The following SMC6 variants were observed in gnomAD, a reference collection of about 807,000 sequenced individuals.
SMC6 encodes the protein structural maintenance of chromosomes 6.
A neutral mutation model predicts 142.2 loss-of-function variants in SMC6; 79 were observed. The observed-to-expected ratio is 0.56, with a 90% confidence interval of 0.46 to 0.67. SMC6 has a LOEUF of 0.67. Among genes scored for constraint, SMC6 ranks in the 30% least tolerant of loss-of-function variants. SMC6 has a pLI of 0.00. For missense variants in SMC6, 1,072 were observed against 1,284.0 expected, an observed-to-expected ratio of 0.83 and a Z score of 2.52; for synonymous variants, 411 against 412.4, an observed-to-expected ratio of 1.00 and a Z score of 0.04.
chr2:17,720,030 G>A (rs573792555), intron 11 of SMC6, among the ~76,000 whole-genome samples: 35 of 152,228 alleles, frequency 2.3e-4, no homozygotes, highest in South Asian at 4.2e-4. Context: ...GTACATTTGC[G>A]GGGGAAGGGG....
intron 16 of SMC6, 22 bp downstream of exon 16, chr2:17,714,839 T>G: frequency 6.2e-7 from 1 of 1,606,334 alleles, no homozygotes; most frequent in South Asian, 1.1e-5. Flanking sequence ...GCCAGAAACA[T>G]ATTCAATTAC....
In SMC6 at chr2:17,709,181, A is replaced by G. The variant is rs73921050; in HGVS notation, c.1731-428T>C. On this transcript the variant is annotated intron_variant, in intron 16 of 27. Transcript: ENST00000448223. ...TCTAGAGTCCAGATTCTTAATCAAT[A>G]TGCCCTGCTGCCTACTATAATTAAT... 7.8e-4 allele frequency among the ~76,000 whole-genome samples: 119 copies of G among 152,254 alleles called. 2 individuals are homozygous for G. The highest frequency in any genetic ancestry group is 2.7e-3 in the African/African-American group (111 of 41,546).
chr2:17,743,634 A>G (rs912021213), intron 3 of SMC6, among the ~76,000 whole-genome samples: 4 of 152,094 alleles, frequency 2.6e-5, no homozygotes, highest in Non-Finnish European at 5.9e-5. Context: ...GGTTCACTCG[A>G]TATTATTGTA....
Position 17,708,684 on chromosome 2 carries a change from A to G in SMC6, c.1800T>C (p.Asn600=). 6.5e-7 allele frequency: 1 copy of G among 1,547,864 alleles called. No individual in the cohort carries two copies. The highest frequency in any genetic ancestry group is 8.7e-7 in the Non-Finnish European group (1 of 1,144,708). ...ALEIDNAVVA[N]SLIDMRGIET... ...CTATGCCTCTCATGTCAATTAGGCTATTTGCCACAACCGCATTATCTATTT... is the reference window on the plus strand; with the variant it reads ...CTATGCCTCTCATGTCAATTAGGCTGTTTGCCACAACCGCATTATCTATTT... The change falls in exon 17 of 28, where the codon AAT becomes AAC. Residue 600 remains asparagine, a synonymous_variant. Transcript: ENST00000448223.
chr2:17,698,065 A>T (rs1383581970), intron 21 of SMC6, among the ~76,000 whole-genome samples: 1 of 152,102 alleles, frequency 6.6e-6, no homozygotes, highest in East Asian at 1.9e-4. Flanking sequence ...GATTCTACTC[A>T]TATGAAATAT....
intron 18 of SMC6, among the ~76,000 whole-genome samples, chr2:17,703,741 T>C (rs952958391): frequency 1.3e-5 from 2 of 152,160 alleles, no homozygotes; most frequent in Non-Finnish European, 2.9e-5. Context: ...ACATACTCTT[T>C]TCTGTAGCTA....
intron 16 of SMC6, among the ~76,000 whole-genome samples, chr2:17,714,416 G>T (rs888806737): frequency 6.6e-6 from 1 of 152,076 alleles, no homozygotes; most frequent in Non-Finnish European, 1.5e-5. Flanking sequence ...TAAAGTATTA[G>T]CCAGTAGTTA....
At chr2:17,729,135 A>G (rs1014968533) in intron 7 of SMC6, among the ~76,000 whole-genome samples, 2 of 152,326 alleles carry the variant, frequency 1.3e-5, no homozygotes, top group Admixed American at 1.3e-4. Context: ...TTAATCAAAT[A>G]TAACCAAAAT....
chr2:17,709,120 T>C (rs953629032), intron 16 of SMC6, among the ~76,000 whole-genome samples: 1 of 152,126 alleles, frequency 6.6e-6, no homozygotes, highest in Non-Finnish European at 1.5e-5. Context: ...AAGCTACTTA[T>C]GTAACTGGGC....
At chr2:17,670,240 T>A (rs1173971964) in intron 26 of SMC6, among the ~76,000 whole-genome samples, 183 bp downstream of exon 26, 1 of 152,172 alleles carries the variant, frequency 6.6e-6, no homozygotes, top group Non-Finnish European at 1.5e-5. Context: ...GGTTACTGTG[T>A]GCCTAGAAGC....
At chr2:17,683,157 T>C (rs1405705839) in intron 24 of SMC6, among the ~76,000 whole-genome samples, 2 of 152,178 alleles carry the variant, frequency 1.3e-5, no homozygotes, top group Admixed American at 6.5e-5. Context: ...TAATTCTGTA[T>C]TCATTTATCC....
chr2:17,738,364 A>G (rs1340306526), intron 4 of SMC6, 38 bp from the exon 5 acceptor site: 1 of 1,497,694 alleles, frequency 6.7e-7, no homozygotes. Context: ...CATTCATTAA[A>G]AGAAAAAGGA....
chr2:17,689,426 T>C (rs533931555), intron 23 of SMC6, among the ~76,000 whole-genome samples: 3 of 152,298 alleles, frequency 2.0e-5, no homozygotes, highest in Admixed American at 6.5e-5. Context: ...TATAACAGTA[T>C]TGTGGTTATG....
intron 2 of SMC6, among the ~76,000 whole-genome samples, chr2:17,748,493 T>A (rs1411931850): frequency 6.6e-6 from 1 of 152,242 alleles, no homozygotes; most frequent in African/African-American, 2.4e-5. Flanking sequence ...CAGTTACAGC[T>A]ACATAATATT....
intron 24 of SMC6, 150 bp downstream of exon 24, chr2:17,683,488 C>T (rs1667320874): frequency 1.3e-5 from 9 of 705,184 alleles, no homozygotes; most frequent in Admixed American, 6.7e-5. Flanking sequence ...CCTTCAGATT[C>T]GGAATTGTCT....
At chr2:17,675,778 G>A (rs1170602642) in intron 25 of SMC6, among the ~76,000 whole-genome samples, 1 of 151,892 alleles carries the variant, frequency 6.6e-6, no homozygotes, top group East Asian at 1.9e-4. Flanking sequence ...CTTACAAAAA[G>A]GTAAGGTTAC....
At chr2:17,677,682 T>C in intron 25 of SMC6, among the ~76,000 whole-genome samples, 1 of 152,188 alleles carries the variant, frequency 6.6e-6, no homozygotes, top group East Asian at 1.9e-4. Context: ...TACCATGACA[T>C]ACTACCTTCC....
chr2:17,693,493 A>G (rs1443832870), intron 23 of SMC6, among the ~76,000 whole-genome samples: 1 of 152,072 alleles, frequency 6.6e-6, no homozygotes, highest in Non-Finnish European at 1.5e-5. Flanking sequence ...GGAATTGAAC[A>G]ACGAGAACAC....
intron 24 of SMC6, chr2:17,679,704 G>A (rs1456806642): frequency 6.6e-6 from 1 of 152,518 alleles, no homozygotes; most frequent in African/African-American, 2.4e-5. Flanking sequence ...CTTCAAGCTG[G>A]ATGTGTCCCC....
Sources: allele counts gnomAD v4.1 joint callset (sites outside exome capture counted in the v4.1 genomes callset), GRCh38; gene constraint gnomAD v4.1.1; transcripts MANE v1.5; gene names NCBI Gene and HGNC (gene_info 2026-07-23, HGNC 2026-07-21).